Variants in ABCA13 observed in about 807,000 individuals in gnomAD.
ABCA13 encodes the protein ATP binding cassette subfamily A member 13.
A neutral mutation model predicts 478.7 loss-of-function variants in ABCA13; 476 were observed. That is an observed-to-expected ratio of 0.99 (90% CI 0.92 to 1.07). The LOEUF (loss-of-function observed/expected upper bound fraction) is 1.07. ABCA13 is among the 50% of genes least tolerant of loss of function. ABCA13 has a pLI of 0.00. For synonymous variants in ABCA13, 2,252 were observed against 2,158.9 expected (o/e 1.04, Z -1.20); for missense variants, 6,060 against 5,910.6 (o/e 1.03, Z -0.83).
chr7:48,591,303 C>T (rs968160773), intron 57 of ABCA13, among the ~76,000 whole-genome samples: 1 of 151,876 alleles, frequency 6.6e-6, no homozygotes, highest in Non-Finnish European at 1.5e-5. Context: ...GGGTTTATTT[C>T]TGTACTGTCT....
intron 59 of ABCA13, among the ~76,000 whole-genome samples, chr7:48,637,916 G>A (rs1448676752): frequency 6.6e-6 from 1 of 152,196 alleles, no homozygotes; most frequent in African/African-American, 2.4e-5. Context: ...GGGTGTTAGA[G>A]TCAGTGGCAG....
chr7:48,284,879 G>A (rs1447554650), intron 19 of ABCA13, among the ~76,000 whole-genome samples: 1 of 152,108 alleles, frequency 6.6e-6, no homozygotes, highest in South Asian at 2.1e-4. Flanking sequence ...GACCAATGTG[G>A]GCAAATAGCC....
intron 15 of ABCA13, among the ~76,000 whole-genome samples, chr7:48,250,254 A>G (rs575634680): frequency 6.6e-6 from 1 of 152,276 alleles, no homozygotes; most frequent in African/African-American, 2.4e-5. Context: ...TCAACCTATG[A>G]GCACTCTGAA....
chr7:48,405,221 G>A (rs780766244), intron 39 of ABCA13, among the ~76,000 whole-genome samples: 22 of 152,236 alleles, frequency 1.4e-4, no homozygotes, highest in Non-Finnish European at 2.4e-4. Flanking sequence ...TCTGCAGTCA[G>A]CAGGACCTAC....
At chr7:48,411,234 T>C (rs1286372746) in intron 40 of ABCA13, among the ~76,000 whole-genome samples, 4 of 145,560 alleles carry the variant, frequency 2.7e-5, no homozygotes, top group African/African-American at 5.0e-5. Context: ...TTTCTCTTTC[T>C]TTCTTTCTCT....
chr7:48,586,164 G>T (rs1234639913), intron 56 of ABCA13, among the ~76,000 whole-genome samples: 1 of 152,156 alleles, frequency 6.6e-6, no homozygotes, highest in East Asian at 1.9e-4. Flanking sequence ...AGGCTCTTGG[G>T]TACAGTCTGA....
chr7:48,386,447 GA>G (rs906931020), intron 35 of ABCA13, among the ~76,000 whole-genome samples: 2 of 152,162 alleles, frequency 1.3e-5, no homozygotes, highest in Admixed American at 6.5e-5. Context: ...TGAGCGAAAA[GA>G]ACAAAGCTGG....
At chr7:48,498,015 T>A (rs1477971251) in intron 48 of ABCA13, among the ~76,000 whole-genome samples, 2 of 152,152 alleles carry the variant, frequency 1.3e-5, no homozygotes, top group Admixed American at 6.5e-5. Flanking sequence ...TCTTTGTTGG[T>A]CCCTCATGAC....
At chr7:48,343,198 A>T (rs1411712472) in intron 29 of ABCA13, among the ~76,000 whole-genome samples, 1 of 152,180 alleles carries the variant, frequency 6.6e-6, no homozygotes, top group Non-Finnish European at 1.5e-5. Flanking sequence ...GTAGAAATAA[A>T]TTTGAGTCTC....
At chr7:48,462,649 C>T (rs1347876533) in intron 43 of ABCA13, among the ~76,000 whole-genome samples, 1 of 152,054 alleles carries the variant, frequency 6.6e-6, no homozygotes, top group Non-Finnish European at 1.5e-5. Flanking sequence ...GCTAGGATTA[C>T]AAGCATGCAG....
chr7:48,192,662 C>T (rs534223995), intron 1 of ABCA13, among the ~76,000 whole-genome samples: 13 of 152,046 alleles, frequency 8.6e-5, no homozygotes, highest in Non-Finnish European at 8.8e-5. Flanking sequence ...ATGGGAAATA[C>T]GGGTGAAGTT....
chr7:48,483,086 T>C lies in ABCA13; in HGVS notation c.13105T>C (p.Trp4369Arg), dbSNP rs758651354. The C allele has an allele frequency of 5.4e-5, 87 of 1,611,658 alleles. 2 individuals carry two copies. Among genetic ancestry groups the C allele is most frequent in the Non-Finnish European group, 7.3e-5 (86 of 1,178,888 alleles). ...GTTCATTGTTAACAGGCTTGGAGGT[T>C]GGTCTTTTGGATTAAAAATCCCCAG... ...APSEKPRLGG[W>R]SFGLKIPSEA... The change falls in exon 47 of 62, where the codon TGG becomes CGG. Residue 4369 changes from tryptophan to arginine, a missense_variant. Coordinates refer to ENST00000435803, the MANE Select transcript of ABCA13 (RefSeq NM_152701.5).
intron 42 of ABCA13, among the ~76,000 whole-genome samples, chr7:48,440,867 A>G (rs1205792777): frequency 2.0e-5 from 3 of 152,128 alleles, no homozygotes; most frequent in Non-Finnish European, 2.9e-5. Flanking sequence ...TGCTATATGA[A>G]AAAGAGTGAT....
intron 49 of ABCA13, 55 bp downstream of exon 49, chr7:48,506,445 T>G: frequency 6.3e-7 from 1 of 1,589,290 alleles, no homozygotes; most frequent in South Asian, 1.1e-5. Flanking sequence ...AGAAAATCTT[T>G]GTGTTACTTA....
intron 40 of ABCA13, 131 bp downstream of exon 40, chr7:48,410,808 A>G: frequency 7.6e-7 from 1 of 1,311,480 alleles, no homozygotes; most frequent in Non-Finnish European, 1.0e-6. Flanking sequence ...ACATGCCAAA[A>G]TAAGTGGCCC....
intron 39 of ABCA13, among the ~76,000 whole-genome samples, chr7:48,405,209 C>T (rs1401595290): frequency 1.3e-5 from 2 of 152,250 alleles, no homozygotes; most frequent in Non-Finnish European, 2.9e-5. Context: ...GAGATTCAGC[C>T]GTCTGCAGTC....
chr7:48,582,781 A>T (rs1160148485), intron 56 of ABCA13, among the ~76,000 whole-genome samples: 1 of 152,188 alleles, frequency 6.6e-6, no homozygotes, highest in Non-Finnish European at 1.5e-5. Context: ...TAAGAATAAG[A>T]TGCCACTTCA....
At chr7:48,630,157 A>C (rs1794048380) in intron 59 of ABCA13, among the ~76,000 whole-genome samples, 2 of 152,086 alleles carry the variant, frequency 1.3e-5, no homozygotes, top group South Asian at 4.1e-4. Context: ...AATGTCTTTT[A>C]TTAATTTTTA....
At chr7:48,249,085 C>T (rs1792134634) in intron 14 of ABCA13, 127 bp from the exon 15 acceptor site, 1 of 756,322 alleles carries the variant, frequency 1.3e-6, no homozygotes, top group Non-Finnish European at 2.0e-6. Flanking sequence ...TTGAAAGATT[C>T]TATTTCCTTA....
Sources: gnomAD v4.1 joint callset for allele counts (sites outside exome capture counted in the v4.1 genomes callset) on GRCh38, gnomAD v4.1.1 for gene constraint, MANE v1.5 for transcripts, NCBI Gene and HGNC (gene_info 2026-07-23, HGNC 2026-07-21) for gene names.